PPP1R9A: variants seen among roughly 807,000 people sequenced by gnomAD.
The protein encoded by PPP1R9A is protein phosphatase 1 regulatory subunit 9A, also known as neurabin-1.
A neutral mutation model predicts 141.9 loss-of-function variants in PPP1R9A; 59 were observed. That is an observed-to-expected ratio of 0.42 (90% confidence interval 0.34 to 0.52). PPP1R9A has a LOEUF of 0.52. Among genes scored for constraint, PPP1R9A ranks in the 20% least tolerant of loss-of-function variants. The pLI, the probability that PPP1R9A is intolerant of heterozygous loss-of-function variation, is 0.10. For missense variants in PPP1R9A, 1,444 were observed against 1,611.9 expected (o/e 0.90, Z 1.78); for synonymous variants, 500 against 569.7 (o/e 0.88, Z 1.74).
chr7:95,219,861 G>A (rs1794148369), intron 7 of PPP1R9A, among the ~76,000 whole-genome samples: 1 of 152,002 alleles, frequency 6.6e-6, no homozygotes, highest in Non-Finnish European at 1.5e-5. Flanking sequence ...CTCTCTTCTG[G>A]CCCTCATCTC....
chr7:95,067,888 T>C (rs1405157556), intron 2 of PPP1R9A, among the ~76,000 whole-genome samples: 1 of 152,126 alleles, frequency 6.6e-6, no homozygotes, highest in East Asian at 1.9e-4. Context: ...AATTTCTATC[T>C]AGGCCTCAGA....
intron 2 of PPP1R9A, among the ~76,000 whole-genome samples, chr7:94,994,135 A>T (rs12537155): frequency 0.097 from 14,756 of 151,878 alleles, 793 homozygotes; most frequent in Admixed American, 0.15. Flanking sequence ...TTTTTTTCAT[A>T]GGTGCGATGA....
chr7:95,288,764 T>C (rs762968397), intron 19 of PPP1R9A, 46 bp downstream of exon 19: 1 of 1,588,278 alleles, frequency 6.3e-7, no homozygotes, highest in South Asian at 1.2e-5. Context: ...ATAATTTGTA[T>C]TACTCATATC....
At chr7:95,063,661 G>A (rs1309010261) in intron 2 of PPP1R9A, among the ~76,000 whole-genome samples, 1 of 152,144 alleles carries the variant, frequency 6.6e-6, no homozygotes, top group Non-Finnish European at 1.5e-5. Flanking sequence ...GGATGTGATA[G>A]GTTTGCATAT....
intron 8 of PPP1R9A, among the ~76,000 whole-genome samples, chr7:95,237,506 A>T (rs1796875907): frequency 6.6e-6 from 1 of 151,842 alleles, no homozygotes; most frequent in Non-Finnish European, 1.5e-5. Flanking sequence ...ATATTTTTTT[A>T]TATATAAATA....
intron 6 of PPP1R9A, among the ~76,000 whole-genome samples, chr7:95,200,114 C>T (rs1027449003): frequency 7.3e-5 from 11 of 151,700 alleles, no homozygotes; most frequent in African/African-American, 1.2e-4. Context: ...TGAAATAAGA[C>T]ATCAAGTCTA....
intron 12 of PPP1R9A, among the ~76,000 whole-genome samples, chr7:95,259,570 G>GC (rs11382933): frequency 0.011 from 1,664 of 152,174 alleles, 30 homozygotes; most frequent in African/African-American, 0.038. Context: ...CTCAAAATCA[G>GC]CAGCTCTTTT....
intron 2 of PPP1R9A, among the ~76,000 whole-genome samples, chr7:95,064,360 A>G (rs1178743323): frequency 6.6e-6 from 1 of 152,228 alleles, no homozygotes; most frequent in African/African-American, 2.4e-5. Context: ...TTTTCTCTAT[A>G]AGGTACATCA....
intron 8 of PPP1R9A, among the ~76,000 whole-genome samples, chr7:95,244,601 G>A (rs1027158894): frequency 6.6e-6 from 1 of 152,182 alleles, no homozygotes; most frequent in East Asian, 1.9e-4. Flanking sequence ...CCTACGAGGA[G>A]TTAATAAAAT....
intron 2 of PPP1R9A, among the ~76,000 whole-genome samples, chr7:95,087,861 C>A (rs1018299391): frequency 6.6e-6 from 1 of 150,384 alleles, no homozygotes; most frequent in Non-Finnish European, 1.5e-5. Flanking sequence ...TGCCACTGCA[C>A]TCCAGCCTAG....
At chr7:95,098,418 T>TC (rs1232397234) in intron 2 of PPP1R9A, 8 of 151,644 alleles carry the variant, frequency 5.3e-5, no homozygotes, top group African/African-American at 1.9e-4. Context: ...AAAAAGACCA[T>TC]CATAGTACTG....
At chr7:95,280,088 T>G (rs1803898804) in intron 16 of PPP1R9A, among the ~76,000 whole-genome samples, 1 of 152,106 alleles carries the variant, frequency 6.6e-6, no homozygotes. Context: ...GCCCTGAGCT[T>G]TAGATGGACA....
At chr7:95,087,192 GTAATAGTT>G (rs1187431547) in intron 2 of PPP1R9A, among the ~76,000 whole-genome samples, 3 of 151,926 alleles carry the variant, frequency 2.0e-5, no homozygotes, top group South Asian at 4.1e-4. Context: ...TCTGCCTTCT[GTAATAGTT>G]TCTCACTCTT....
chr7:95,205,309 G>A (rs780449765), intron 7 of PPP1R9A, among the ~76,000 whole-genome samples: 1 of 152,054 alleles, frequency 6.6e-6, no homozygotes, highest in African/African-American at 2.4e-5. Context: ...AGCTAGATAC[G>A]AAATACCAAA....
At chr7:94,926,495 T>C (rs890721509) in intron 2 of PPP1R9A, among the ~76,000 whole-genome samples, 1 of 152,342 alleles carries the variant, frequency 6.6e-6, no homozygotes, top group Middle Eastern at 3.4e-3. Flanking sequence ...GCTACTTATT[T>C]AGAGGTTGCA....
chr7:95,139,085 A>G (rs1029320090), intron 4 of PPP1R9A, among the ~76,000 whole-genome samples: 1 of 152,220 alleles, frequency 6.6e-6, no homozygotes, highest in Non-Finnish European at 1.5e-5. Context: ...AAATCAGGAA[A>G]CAACTTATAT....
In PPP1R9A at chr7:94,910,470, T is replaced by A; in HGVS notation, c.357T>A (p.Ser119=). The stretch of plus-strand genomic sequence containing the variant: ...GCTCAGTTGTTAAGTTGGAGTCTTC[T>A]GTTTCTGAACGAATTAGTAGATTTG... ...TDGSVVKLES[S]VSERISRFDT... Residue 119 remains serine, a synonymous_variant, in exon 2 of 20, where the codon TCT becomes TCA. Transcript: ENST00000433360. This position sits in a 1 kb window ranked among gnomAD's most constrained non-coding sequence, Gnocchi z 4.5. 6.2e-7 allele frequency: 1 copy of A among 1,614,242 alleles called. No homozygotes were observed. The highest frequency in any genetic ancestry group is 8.5e-7 in the Non-Finnish European group (1 of 1,180,044).
chr7:95,002,537 C>T (rs967721227), intron 2 of PPP1R9A, among the ~76,000 whole-genome samples: 2 of 152,122 alleles, frequency 1.3e-5, no homozygotes, highest in Non-Finnish European at 1.5e-5. Flanking sequence ...GTGAGGAGAG[C>T]AACTTAGACG....
rs966702707 is a variant in PPP1R9A, at chr7:95,262,437, A to T, written c.2666-6113A>T. Among the ~76,000 whole-genome samples, 24 of 152,332 alleles carry T rather than the reference A, an allele frequency of 1.6e-4. No individual in the cohort carries two copies. The East Asian group carries it at 4.2e-3, about 27-fold the overall frequency. The stretch of plus-strand genomic sequence containing the variant: ...TCCCTGTGGTCTAAATCTAAATTCC[A>T]TATCCTTTCATAGTCTAGAATCAAG... On this transcript the variant is annotated intron_variant, in intron 12 of 19. Transcript: ENST00000433360.
Sources: allele counts gnomAD v4.1 joint callset (sites outside exome capture counted in the v4.1 genomes callset), GRCh38; gene constraint gnomAD v4.1.1; non-coding constraint Gnocchi (gnomAD v3.1); transcripts MANE v1.5; gene names NCBI Gene and HGNC (gene_info 2026-07-23, HGNC 2026-07-21).